Variants in TSNARE1 observed in about 807,000 individuals in gnomAD.
The protein encoded by TSNARE1 is t-SNARE domain-containing protein 1.
A neutral mutation model predicts 62.0 loss-of-function variants in TSNARE1; 49 were observed. That is an observed-to-expected ratio of 0.79 (90% CI 0.63 to 1.00). TSNARE1 has a LOEUF of 1.00. TSNARE1 is among the 50% of genes least tolerant of loss of function. The pLI is 0.00. For synonymous variants in TSNARE1, 328 were observed against 294.4 expected, an observed-to-expected ratio of 1.11 and a Z score of -1.17; for missense variants, 755 against 700.1, an observed-to-expected ratio of 1.08 and a Z score of -0.88.
chr8:142,288,978 T>A (rs568063094), intron 10 of TSNARE1, among the ~76,000 whole-genome samples: 87 of 151,646 alleles, frequency 5.7e-4, no homozygotes, highest in African/African-American at 2.1e-3. Context: ...TGCCGAGAGG[T>A]TCCCACTCCC....
chr8:142,214,841 C>A (rs990385076), intron 13 of TSNARE1, among the ~76,000 whole-genome samples: 2 of 152,202 alleles, frequency 1.3e-5, no homozygotes, highest in African/African-American at 4.8e-5. Context: ...AGGGCCCTAT[C>A]AGAACCCAGC....
At chr8:142,250,355 T>C (rs1586847024) in intron 12 of TSNARE1, among the ~76,000 whole-genome samples, 1 of 152,142 alleles carries the variant, frequency 6.6e-6, no homozygotes, top group East Asian at 1.9e-4. Context: ...TTAGAGCTCC[T>C]TGGGGTGCGA....
intron 12 of TSNARE1, among the ~76,000 whole-genome samples, chr8:142,266,737 C>A (rs1819153361): frequency 6.6e-6 from 1 of 152,184 alleles, no homozygotes; most frequent in African/African-American, 2.4e-5. Flanking sequence ...TGTGGAATCA[C>A]ACATCACATC....
At chr8:142,314,910 C>T (rs551705632) in intron 8 of TSNARE1, 93 bp downstream of exon 8, 115 of 1,228,062 alleles carry the variant, frequency 9.4e-5, no homozygotes, top group Non-Finnish European at 1.3e-4. Context: ...CTGCACCAGG[C>T]CCACAGGGAC....
chr8:142,273,365 T>A, intron 12 of TSNARE1: 1 of 985,394 alleles, frequency 1.0e-6, no homozygotes, highest in Non-Finnish European at 1.2e-6. Context: ...GAGTCCACCT[T>A]GCCCGTCACC....
intron 2 of TSNARE1, among the ~76,000 whole-genome samples, chr8:142,348,777 C>CT (rs1382041218): frequency 2.0e-5 from 3 of 152,098 alleles, no homozygotes; most frequent in African/African-American, 7.2e-5. Flanking sequence ...GTCCACAGAG[C>CT]TGGCCCGTGT....
chr8:142,212,925 C>G (rs896404127), intron 13 of TSNARE1, among the ~76,000 whole-genome samples: 1 of 118,590 alleles, frequency 8.4e-6, no homozygotes, highest in Non-Finnish European at 1.8e-5. Flanking sequence ...CCCTCCCTCC[C>G]CCTCCCTCTC....
At chr8:142,391,582 G>A (rs1317130772) in intron 1 of TSNARE1, among the ~76,000 whole-genome samples, 2 of 152,192 alleles carry the variant, frequency 1.3e-5, no homozygotes, top group South Asian at 2.1e-4. Flanking sequence ...GGGGCTCTGC[G>A]GTTCCTGGCG....
chr8:142,282,569 A>G (rs1230437075), intron 11 of TSNARE1, among the ~76,000 whole-genome samples: 5 of 150,252 alleles, frequency 3.3e-5, no homozygotes, highest in East Asian at 3.9e-4. Flanking sequence ...GTGTCTGTCA[A>G]TGAGCGGAGG....
At chr8:142,250,399 G>A (rs1818104357) in intron 12 of TSNARE1, among the ~76,000 whole-genome samples, 1 of 152,124 alleles carries the variant, frequency 6.6e-6, no homozygotes, top group Non-Finnish European at 1.5e-5. Context: ...CATAATCCCT[G>A]CTTCTGCATA....
chr8:142,305,238 C>G lies in TSNARE1; in HGVS notation c.1132-4594G>C, dbSNP rs960074201. On this transcript the variant is annotated intron_variant, in intron 9 of 13. Transcript: ENST00000524325. Reference sequence around the variant, plus strand: ...GTGACAGCTCCCCAGGAGCTGTGGGCAGAGGGTGCCAGGCACCCATGGAGA... The same window carrying G: ...GTGACAGCTCCCCAGGAGCTGTGGGGAGAGGGTGCCAGGCACCCATGGAGA... Among the ~76,000 whole-genome samples, 10 of 152,052 alleles carry G rather than the reference C, an allele frequency of 6.6e-5. No individual in the cohort carries two copies. In the South Asian group the frequency reaches 2.1e-3, roughly 32 times the overall value.
In TSNARE1 at chr8:142,330,291, C is replaced by T. The variant is rs181333062; in HGVS notation, c.893+610G>A. Among the ~76,000 whole-genome samples, 812 of 152,294 alleles carry T rather than the reference C, an allele frequency of 5.3e-3. 2 individuals are homozygous for T. Among genetic ancestry groups the T allele is most frequent in the African/African-American group, 7.3e-3 (303 of 41,566 alleles). On this transcript the variant is annotated intron_variant, in intron 6 of 13. Transcript: ENST00000524325. ...CCCAGGGCAGGTGCTCCCTTCCCCC[C>T]GCTCCCCAGCCCAGCCAGGGCTCAG...
At chr8:142,257,365 C>T (rs1818637409) in intron 12 of TSNARE1, among the ~76,000 whole-genome samples, 1 of 152,150 alleles carries the variant, frequency 6.6e-6, no homozygotes, top group Admixed American at 6.5e-5. Context: ...TCCCCGCAAG[C>T]CCGAGGCATA....
intron 12 of TSNARE1, among the ~76,000 whole-genome samples, chr8:142,265,011 A>G (rs1303300050): frequency 2.0e-5 from 3 of 151,886 alleles, no homozygotes; most frequent in Non-Finnish European, 2.9e-5. Flanking sequence ...TCTATTCAAC[A>G]TAGGTTTTTG....
intron 1 of TSNARE1, among the ~76,000 whole-genome samples, chr8:142,391,317 ACT>A (rs1837510584): frequency 7.0e-6 from 1 of 141,970 alleles, no homozygotes; most frequent in South Asian, 2.3e-4. Context: ...ACTGCTGGAG[ACT>A]CTGTAACAGA....
chr8:142,338,706 C>T (rs769344145), intron 4 of TSNARE1, among the ~76,000 whole-genome samples: 87 of 152,226 alleles, frequency 5.7e-4, no homozygotes, highest in Non-Finnish European at 9.8e-4. Context: ...GATGTGGCCC[C>T]GGCTCAGGTT....
chr8:142,274,425 C>T (rs1388052998), intron 12 of TSNARE1: 1 of 985,370 alleles, frequency 1.0e-6, no homozygotes. Context: ...CAGTTCCCCG[C>T]CCCAGTATGG....
chr8:142,308,482 C>A (rs1827052418), intron 9 of TSNARE1, among the ~76,000 whole-genome samples: 1 of 152,168 alleles, frequency 6.6e-6, no homozygotes, highest in Non-Finnish European at 1.5e-5. Flanking sequence ...CGTGGCAGGG[C>A]AGTCCACCTC....
intron 12 of TSNARE1, among the ~76,000 whole-genome samples, chr8:142,256,422 C>T (rs1273866672): frequency 1.1e-4 from 16 of 150,458 alleles, no homozygotes; most frequent in East Asian, 2.0e-4. Context: ...ATCATTATCA[C>T]CACCATCATC....
Sources: gnomAD v4.1 joint callset for allele counts (sites outside exome capture counted in the v4.1 genomes callset) on GRCh38, gnomAD v4.1.1 for gene constraint, MANE v1.5 for transcripts, NCBI Gene and HGNC (gene_info 2026-07-23, HGNC 2026-07-21) for gene names.